ZNF862: variants seen among roughly 807,000 people sequenced by gnomAD.
The protein encoded by ZNF862 is zinc finger protein 862.
A neutral mutation model predicts 91.1 loss-of-function variants in ZNF862; 64 were observed. The ratio of observed to expected loss-of-function variants is 0.70; its 90% CI spans 0.57 to 0.87. ZNF862 has a LOEUF of 0.87. ZNF862 is among the 40% of genes least tolerant of loss of function. ZNF862 has a pLI of 0.00. For missense variants in ZNF862, 1,459 were observed against 1,528.0 expected, an observed-to-expected ratio of 0.95 and a Z score of 0.75; for synonymous variants, 631 against 618.1, an observed-to-expected ratio of 1.02 and a Z score of -0.31.
intron 1 of ZNF862, among the ~76,000 whole-genome samples, chr7:149,843,469 A>G (rs923521019): frequency 2.0e-5 from 3 of 152,130 alleles, no homozygotes; most frequent in Non-Finnish European, 4.4e-5. Context: ...TGGCTGTGGT[A>G]CCTTAAACCT....
intron 2 of ZNF862, among the ~76,000 whole-genome samples, chr7:149,845,394 G>A (rs1801836992): frequency 6.6e-6 from 1 of 152,196 alleles, no homozygotes; most frequent in Non-Finnish European, 1.5e-5. Flanking sequence ...TGTCTACCAT[G>A]CCTGTCTTTT....
chr7:149,839,414 G>A (rs1044805), intron 1 of ZNF862, among the ~76,000 whole-genome samples: 26,028 of 152,142 alleles, frequency 0.17, 2,675 homozygotes, highest in Admixed American at 0.24. Context: ...AAACGTTTTC[G>A]ACTGTTTATT....
chr7:149,844,099 CCAAA>C (rs1801793250), intron 1 of ZNF862, among the ~76,000 whole-genome samples: 2 of 152,126 alleles, frequency 1.3e-5, no homozygotes, highest in Admixed American at 1.3e-4. Context: ...TGGAACTCCT[CCAAA>C]CACTTTCTGA....
At chr7:149,862,528 C>A in intron 7 of ZNF862, 34 bp downstream of exon 7, 2 of 1,538,680 alleles carry the variant, frequency 1.3e-6, no homozygotes, top group Non-Finnish European at 8.7e-7. Flanking sequence ...CCCAAGGCAG[C>A]CTCATGCTGA....
intron 2 of ZNF862, among the ~76,000 whole-genome samples, chr7:149,845,830 TG>T: frequency 6.6e-6 from 1 of 152,196 alleles, no homozygotes; most frequent in East Asian, 1.9e-4. Flanking sequence ...GCACTTGGCC[TG>T]GTTTCTTCTG....
chr7:149,846,612 A>ATGAG (rs1407200505), intron 3 of ZNF862, among the ~76,000 whole-genome samples: 1 of 152,164 alleles, frequency 6.6e-6, no homozygotes, highest in Non-Finnish European at 1.5e-5. Context: ...GAATGAATGA[A>ATGAG]TGAACAGCTG....
chr7:149,857,614 C>T (rs182705898), intron 5 of ZNF862, among the ~76,000 whole-genome samples: 9 of 152,198 alleles, frequency 5.9e-5, no homozygotes, highest in Admixed American at 3.3e-4. Flanking sequence ...TTCCTGTGTA[C>T]GAGTAAGCCT....
chr7:149,842,220 G>A (rs1237494562), intron 1 of ZNF862, among the ~76,000 whole-genome samples: 2 of 152,188 alleles, frequency 1.3e-5, no homozygotes, highest in African/African-American at 2.4e-5. Flanking sequence ...TGTAGAGAGA[G>A]GAAAGGTGCG....
At chr7:149,857,177 T>C (rs983504950) in intron 5 of ZNF862, among the ~76,000 whole-genome samples, 6 of 152,184 alleles carry the variant, frequency 3.9e-5, no homozygotes, top group African/African-American at 1.4e-4. Context: ...AAACTGGTCT[T>C]TCCCTGTTTG....
Position 149,850,716 on chromosome 7 carries a change from T to C in ZNF862, c.1117+378T>C. On this transcript the variant is annotated intron_variant, in intron 5 of 7. Transcript: ENST00000223210. This position sits in a 1 kb window ranked among gnomAD's most constrained non-coding sequence, Gnocchi z 4.2. ...GAGCTTCCAGAAGAGTACCCGGGGC[T>C]ACTGAAGAAGAGGGATTTGATTTCC... 6.0e-6 allele frequency: 1 copy of C among 166,336 alleles called. No homozygotes were observed. The highest frequency in any genetic ancestry group is 1.3e-5 in the Non-Finnish European group (1 of 76,164). The allele number at this position is 166,336 out of a possible 1,614,324, so 10.3% of individuals were successfully genotyped here.
intron 5 of ZNF862, among the ~76,000 whole-genome samples, chr7:149,856,979 C>T (rs560157624): frequency 6.6e-6 from 1 of 152,324 alleles, no homozygotes; most frequent in East Asian, 1.9e-4. Context: ...TTAGGTTTTA[C>T]TGGTGCTATT....
intron 1 of ZNF862, among the ~76,000 whole-genome samples, chr7:149,841,989 G>A (rs1302327685): frequency 1.3e-5 from 2 of 152,206 alleles, no homozygotes; most frequent in Admixed American, 6.5e-5. Context: ...GGGGGGAAGG[G>A]TGGTGTTGAT....
rs773960736 is a variant in ZNF862 at position 149,862,505 on chromosome 7, G to A, written c.3334+11G>A. The A allele has an allele frequency of 7.3e-5, 114 of 1,567,500 alleles. No individual in the cohort carries two copies. The highest frequency in any genetic ancestry group is 9.4e-5 in the African/African-American group (7 of 74,238). ...CCCGCTCCCCTGCAAGTAAGTACAC[G>A]TGGCAGAGCTCCCCCAAGGCAGCCT... is the stretch of plus-strand genomic sequence containing the variant. On this transcript the variant is annotated intron_variant, in intron 7 of 7. Transcript: ENST00000223210.
intron 5 of ZNF862, among the ~76,000 whole-genome samples, chr7:149,857,944 C>T (rs990994938): frequency 1.5e-4 from 23 of 152,170 alleles, no homozygotes; most frequent in African/African-American, 3.9e-4. Flanking sequence ...TTTCTGTGTA[C>T]GTGGTATATG....
At chr7:149,859,274 G>T in intron 5 of ZNF862, 148 bp from the exon 6 acceptor site, 1 of 740,602 alleles carries the variant, frequency 1.4e-6, no homozygotes, top group Non-Finnish European at 2.3e-6. Flanking sequence ...CTCTGGGTTT[G>T]CGCTCAGCCT....
intron 5 of ZNF862, chr7:149,852,040 G>A (rs1158355051): frequency 5.9e-5 from 9 of 152,146 alleles, no homozygotes; most frequent in Non-Finnish European, 7.3e-5. Flanking sequence ...AATTTAAACA[G>A]TTCTTCATGT....
intron 4 of ZNF862, among the ~76,000 whole-genome samples, chr7:149,848,874 C>T (rs1393113135): frequency 1.3e-5 from 2 of 152,162 alleles, no homozygotes; most frequent in Non-Finnish European, 2.9e-5. Context: ...GATCATAGCT[C>T]ACTGCAGCCT....
At chr7:149,860,046 A>T (rs961496385) in intron 6 of ZNF862, 1 of 343,954 alleles carries the variant, frequency 2.9e-6, no homozygotes, top group Non-Finnish European at 5.3e-6. Flanking sequence ...AGTGAAAGCC[A>T]CCTGCTTATC....
chr7:149,842,397 C>A (rs1290083049), intron 1 of ZNF862, among the ~76,000 whole-genome samples: 1 of 152,144 alleles, frequency 6.6e-6, no homozygotes, highest in Admixed American at 6.5e-5. Context: ...GACTGGGAAC[C>A]GCTAAAATAG....
Sources: gnomAD v4.1 joint callset for allele counts (sites outside exome capture counted in the v4.1 genomes callset) on GRCh38, gnomAD v4.1.1 for gene constraint, Gnocchi (gnomAD v3.1) non-coding constraint, MANE v1.5 for transcripts, NCBI Gene and HGNC (gene_info 2026-07-23, HGNC 2026-07-21) for gene names.